The following TAFA5 variants were observed in gnomAD, a reference collection of about 807,000 sequenced individuals.
TAFA5 encodes chemokine-like protein TAFA-5.
In TAFA5, 6 loss-of-function variants were observed where a neutral mutation model predicts 15.3. That is an observed-to-expected ratio of 0.39 (90% confidence interval 0.21 to 0.77). The LOEUF (loss-of-function observed/expected upper bound fraction) is 0.77. TAFA5 is among the 30% of genes least tolerant of loss of function. The probability of loss-of-function intolerance (pLI) is 0.41; values close to 1 mark genes in which losing one functional copy is unlikely to be tolerated. For missense variants in TAFA5, 161 were observed against 193.1 expected, an observed-to-expected ratio of 0.83 and a Z score of 0.98; for synonymous variants, 103 against 80.7, an observed-to-expected ratio of 1.28 and a Z score of -1.48.
chr22:48,579,272 T>G (rs568764690), intron 1 of TAFA5, among the ~76,000 whole-genome samples: 1 of 152,296 alleles, frequency 6.6e-6, no homozygotes, highest in Admixed American at 6.5e-5. Flanking sequence ...GCACCAGGCC[T>G]GGCTGGGCAG....
At chr22:48,701,552 C>T (rs540857430) in intron 2 of TAFA5, among the ~76,000 whole-genome samples, 3 of 151,960 alleles carry the variant, frequency 2.0e-5, no homozygotes, top group South Asian at 2.1e-4. Context: ...CCCTTTAACT[C>T]GGTCCCTGTC....
chr22:48,504,851 C>G (rs1466062610), intron 1 of TAFA5, among the ~76,000 whole-genome samples: 1 of 152,162 alleles, frequency 6.6e-6, no homozygotes, highest in East Asian at 1.9e-4. Flanking sequence ...GCTGCCAGGG[C>G]AGGGTGGGGC....
At chr22:48,491,138 C>T (rs1303073903) in intron 1 of TAFA5, among the ~76,000 whole-genome samples, 1 of 152,210 alleles carries the variant, frequency 6.6e-6, no homozygotes, top group African/African-American at 2.4e-5. Context: ...CGCCGGCGCC[C>T]CTGGGAACTC....
chr22:48,735,343 A>G lies in TAFA5; in HGVS notation c.391-14496A>G, dbSNP rs576304106. 1.6e-4 allele frequency among the ~76,000 whole-genome samples: 24 copies of G among 152,334 alleles called. No individual in the cohort carries two copies. In the East Asian group the frequency reaches 4.1e-3, roughly 26 times the overall value. ...CAGCGTGGGGAGCAGGAGGTGGATC[A>G]CAGCTGGCCAGCGTGTCTCATAACC... On this transcript the variant is annotated intron_variant, in intron 3 of 3. Transcript: ENST00000402357.
chr22:48,539,799 C>A (rs1278936144), intron 1 of TAFA5, among the ~76,000 whole-genome samples: 1 of 152,212 alleles, frequency 6.6e-6, no homozygotes. Context: ...AGGTCACCCC[C>A]AGGACGTGAT....
intron 3 of TAFA5, among the ~76,000 whole-genome samples, chr22:48,730,145 G>A (rs1437766372): frequency 1.3e-5 from 2 of 152,230 alleles, no homozygotes; most frequent in African/African-American, 4.8e-5. Context: ...AGCACTTTGG[G>A]AGGCCGAGGT....
chr22:48,650,855 T>C (rs1389724750), intron 2 of TAFA5, among the ~76,000 whole-genome samples: 1 of 152,114 alleles, frequency 6.6e-6, no homozygotes, highest in Non-Finnish European at 1.5e-5. Flanking sequence ...CGTGATGCCC[T>C]GGCGGGCTGG....
At chr22:48,631,021 C>T (rs935710585) in intron 1 of TAFA5, among the ~76,000 whole-genome samples, 7 of 152,184 alleles carry the variant, frequency 4.6e-5, no homozygotes, top group Non-Finnish European at 7.4e-5. Flanking sequence ...TGGAATGCAG[C>T]GTGGAGTCCC....
chr22:48,575,754 C>T (rs1183366622), intron 1 of TAFA5, among the ~76,000 whole-genome samples: 1 of 144,604 alleles, frequency 6.9e-6, no homozygotes, highest in East Asian at 2.0e-4. Flanking sequence ...CCGCCAGCCC[C>T]GGGCCGCGCA....
chr22:48,570,531 A>G (rs9615921), intron 1 of TAFA5, among the ~76,000 whole-genome samples: 47,675 of 152,038 alleles, frequency 0.31, 8,132 homozygotes, highest in East Asian at 0.49. Flanking sequence ...TCACGAATAC[A>G]TTTTTAGTTT....
At chr22:48,675,022 C>A (rs1927928657) in intron 2 of TAFA5, among the ~76,000 whole-genome samples, 1 of 151,754 alleles carries the variant, frequency 6.6e-6, no homozygotes, top group Admixed American at 6.6e-5. Context: ...GCTCACTGCA[C>A]CCTCCGCCTC....
intron 2 of TAFA5, among the ~76,000 whole-genome samples, chr22:48,703,798 C>T (rs572205231): frequency 6.6e-6 from 1 of 152,346 alleles, no homozygotes; most frequent in South Asian, 2.1e-4. Context: ...GACCTGCCCT[C>T]GGACACCACC....
chr22:48,648,829 A>G (rs200849424), intron 2 of TAFA5, among the ~76,000 whole-genome samples: 5 of 82,526 alleles, frequency 6.1e-5, no homozygotes, highest in East Asian at 4.0e-4. Flanking sequence ...CTCTGTCTCA[A>G]AAAAACAAAC....
At position 48,750,939 on chromosome 22, in the gene TAFA5, ACT is replaced by A. The variant is rs1350510010; in HGVS notation, c.*1095_*1096del. 2.0e-5 allele frequency: 3 copies of A among 152,230 alleles called. No homozygotes were observed. Among genetic ancestry groups the A allele is most frequent in the African/African-American group, 7.2e-5 (3 of 41,396 alleles). 9.4% of individuals were successfully genotyped at this position (152,230 alleles called of 1,614,324 possible). A position where few individuals can be genotyped will look rare whatever the true frequency, so the allele number is the denominator to read the frequency against. On this transcript the variant is annotated 3_prime_UTR_variant, in exon 4 of 4. Coordinates refer to ENST00000402357, the MANE Select transcript of TAFA5 (RefSeq NM_001082967.3). Reference sequence around the variant, plus strand: ...GGCCGAGCCCCGTGTGTTTCTGAAGACTCTGGGGGTGGGACACGGCGGGGAGG... The same window carrying A: ...GGCCGAGCCCCGTGTGTTTCTGAAGACTGGGGGTGGGACACGGCGGGGAGG...
At chr22:48,588,906 A>G (rs554300350) in intron 1 of TAFA5, among the ~76,000 whole-genome samples, 2 of 152,282 alleles carry the variant, frequency 1.3e-5, no homozygotes, top group African/African-American at 4.8e-5. Flanking sequence ...CCTTTACAAT[A>G]CACACTCTTC....
intron 3 of TAFA5, among the ~76,000 whole-genome samples, chr22:48,732,633 G>A (rs1309988481): frequency 6.6e-6 from 1 of 152,170 alleles, no homozygotes; most frequent in Non-Finnish European, 1.5e-5. Context: ...ATAGGATTTC[G>A]AATATTCCAT....
chr22:48,501,727 C>G (rs747598829), intron 1 of TAFA5, among the ~76,000 whole-genome samples: 1 of 152,206 alleles, frequency 6.6e-6, no homozygotes, highest in African/African-American at 2.4e-5. Context: ...TTCCTGTCCC[C>G]TGGAGGCCCC....
chr22:48,572,325 A>T (rs1355029776), intron 1 of TAFA5, among the ~76,000 whole-genome samples: 1 of 152,226 alleles, frequency 6.6e-6, no homozygotes, highest in Non-Finnish European at 1.5e-5. Context: ...CTTGACCATG[A>T]GCACTTACTG....
chr22:48,682,742 C>G (rs548636539), intron 2 of TAFA5, among the ~76,000 whole-genome samples: 2 of 152,276 alleles, frequency 1.3e-5, no homozygotes, highest in Non-Finnish European at 2.9e-5. Context: ...GCTGAATTGA[C>G]GTGTGTCTGG....
Sources: gnomAD v4.1 joint callset for allele counts (sites outside exome capture counted in the v4.1 genomes callset) on GRCh38, gnomAD v4.1.1 for gene constraint, MANE v1.5 for transcripts, NCBI Gene and HGNC (gene_info 2026-07-23, HGNC 2026-07-21) for gene names.